Variants in LPP observed in about 807,000 individuals in gnomAD.
The protein encoded by LPP is lipoma-preferred partner.
In LPP, 38 loss-of-function variants were observed where a neutral mutation model predicts 60.4. The observed-to-expected ratio is 0.63, with a 90% CI of 0.49 to 0.83. LPP has a LOEUF of 0.83. Among genes scored for constraint, LPP ranks in the 40% least tolerant of loss-of-function variants. The pLI, the probability that LPP is intolerant of heterozygous loss-of-function variation, is 0.00. For missense variants in LPP, 902 were observed against 783.6 expected (o/e 1.15, Z -1.80); for synonymous variants, 328 against 290.8 (o/e 1.13, Z -1.30).
At chr3:188,821,937 A>G (rs955292253) in intron 9 of LPP, among the ~76,000 whole-genome samples, 1 of 152,016 alleles carries the variant, frequency 6.6e-6, no homozygotes, top group African/African-American at 2.4e-5. Flanking sequence ...TGATCTATTG[A>G]TTTATTTCTA....
At chr3:188,240,407 G>A (rs898461855) in intron 2 of LPP, among the ~76,000 whole-genome samples, 1 of 151,368 alleles carries the variant, frequency 6.6e-6, no homozygotes, top group African/African-American at 2.4e-5. Flanking sequence ...AAGAGGTAAA[G>A]AGGAACAAAT....
intron 1 of LPP, among the ~76,000 whole-genome samples, chr3:188,159,604 T>A (rs1717572219): frequency 6.6e-6 from 1 of 152,160 alleles, no homozygotes; most frequent in Admixed American, 6.5e-5. Flanking sequence ...CCAGAAATAC[T>A]TGCTTGATGA....
intron 9 of LPP, among the ~76,000 whole-genome samples, chr3:188,779,132 A>G (rs1458390963): frequency 1.3e-5 from 2 of 152,150 alleles, no homozygotes; most frequent in East Asian, 3.8e-4. Flanking sequence ...AGAAAAAAAA[A>G]AAGATGTCCT....
intron 9 of LPP, among the ~76,000 whole-genome samples, chr3:188,843,741 C>A (rs1001935360): frequency 7.1e-6 from 1 of 140,388 alleles, no homozygotes; most frequent in Non-Finnish European, 1.5e-5. Flanking sequence ...GAGCCGAGAT[C>A]GCGCCACTGC....
chr3:188,380,132 T>A (rs57697050), intron 3 of LPP, among the ~76,000 whole-genome samples: 1,700 of 152,350 alleles, frequency 0.011, 28 homozygotes, highest in African/African-American at 0.037. Flanking sequence ...AACAACTCCC[T>A]CCCAAGTACT....
At chr3:188,503,717 G>A (rs1220662387) in intron 5 of LPP, among the ~76,000 whole-genome samples, 3 of 150,778 alleles carry the variant, frequency 2.0e-5, no homozygotes, top group South Asian at 2.1e-4. Flanking sequence ...TGTAGGATTC[G>A]TGGTTGATAA....
chr3:188,524,913 T>TG (rs1560518838), intron 6 of LPP, 126 bp downstream of exon 6: 3 of 586,040 alleles, frequency 5.1e-6, no homozygotes, highest in South Asian at 3.3e-5. Flanking sequence ...CCTTCCTTCC[T>TG]TCCTTCCTTC....
At chr3:188,697,620 A>G (rs1353900971) in intron 7 of LPP, among the ~76,000 whole-genome samples, 1 of 152,182 alleles carries the variant, frequency 6.6e-6, no homozygotes, top group African/African-American at 2.4e-5. Flanking sequence ...CTGGAACCCC[A>G]TGTTTTATAA....
rs10527365 is a variant in LPP at position 188,607,370 on chromosome 3, GATATATATATATATATATATATATATAT to G, written c.430-1771_430-1744del. On this transcript the variant is annotated intron_variant, in intron 6 of 11. Transcript: ENST00000617246. ...TATAACTGTATGTTTGAAAATAGAA[GATATATATATATATATATATATATATAT>G]ATATATATATATATATATAATTTTT... is the stretch of plus-strand genomic sequence containing the variant. 1.2e-3 allele frequency among the ~76,000 whole-genome samples: 121 copies of G among 102,730 alleles called. 1 individual carries two copies. The highest frequency in any genetic ancestry group is 6.7e-3 in the Admixed American group (69 of 10,300). 67.4% of individuals were successfully genotyped at this position (102,730 alleles called of 152,430 possible). A position where few individuals can be genotyped will look rare whatever the true frequency, so the allele number is the denominator to read the frequency against.
At chr3:188,795,112 C>T (rs1302747608) in intron 9 of LPP, among the ~76,000 whole-genome samples, 2 of 151,744 alleles carry the variant, frequency 1.3e-5, no homozygotes, top group African/African-American at 2.4e-5. Flanking sequence ...TGCAGCCTGG[C>T]GACAGAGCAA....
At chr3:188,611,477 A>T (rs761278262) in intron 7 of LPP, among the ~76,000 whole-genome samples, 6 of 152,246 alleles carry the variant, frequency 3.9e-5, no homozygotes, top group Non-Finnish European at 5.9e-5. Context: ...GAAACAGATT[A>T]TTCAACTTAA....
At chr3:188,350,791 A>G (rs1237262561) in intron 3 of LPP, among the ~76,000 whole-genome samples, 3 of 152,228 alleles carry the variant, frequency 2.0e-5, no homozygotes, top group East Asian at 1.9e-4. Flanking sequence ...TTTTTAATGT[A>G]TGAAACATAG....
intron 3 of LPP, among the ~76,000 whole-genome samples, chr3:188,375,431 C>T (rs1318906342): frequency 6.6e-6 from 1 of 152,166 alleles, no homozygotes; most frequent in Non-Finnish European, 1.5e-5. Flanking sequence ...CTTGTTTAGG[C>T]TTGGGAGGAT....
intron 6 of LPP, among the ~76,000 whole-genome samples, chr3:188,601,299 C>G (rs114900738): frequency 0.022 from 3,292 of 152,096 alleles, 124 homozygotes; most frequent in African/African-American, 0.076. Context: ...ACTATTAACA[C>G]GGAGCTTCTT....
chr3:188,482,044 T>C (rs1230788205), intron 4 of LPP, among the ~76,000 whole-genome samples: 3 of 152,196 alleles, frequency 2.0e-5, no homozygotes, highest in African/African-American at 7.2e-5. Flanking sequence ...GTTCTCATGA[T>C]AGTGAGTGTG....
At chr3:188,758,323 G>A (rs959898986) in intron 8 of LPP, among the ~76,000 whole-genome samples, 1 of 151,994 alleles carries the variant, frequency 6.6e-6, no homozygotes, top group Non-Finnish European at 1.5e-5. Context: ...ACCACGCCCA[G>A]CTATTTTTTG....
chr3:188,639,097 G>T (rs1015301956), intron 7 of LPP, among the ~76,000 whole-genome samples: 60 of 151,696 alleles, frequency 4.0e-4, no homozygotes, highest in African/African-American at 1.4e-3. Flanking sequence ...GAGGCATCAC[G>T]CTACCTGACT....
intron 1 of LPP, among the ~76,000 whole-genome samples, chr3:188,154,491 C>G (rs1321917254): frequency 6.6e-6 from 1 of 152,118 alleles, no homozygotes; most frequent in Non-Finnish European, 1.5e-5. Context: ...GGGGTTGGAG[C>G]CTTGCGCGCC....
At chr3:188,485,111 A>G (rs1028452322) in intron 5 of LPP, among the ~76,000 whole-genome samples, 1 of 152,212 alleles carries the variant, frequency 6.6e-6, no homozygotes, top group African/African-American at 2.4e-5. Context: ...TTAAGGCTGT[A>G]GTTGGTTAAT....
Sources: allele counts gnomAD v4.1 joint callset (sites outside exome capture counted in the v4.1 genomes callset), GRCh38; gene constraint gnomAD v4.1.1; transcripts MANE v1.5; gene names NCBI Gene and HGNC (gene_info 2026-07-23, HGNC 2026-07-21).